Variants in YAP1 observed in about 807,000 individuals in gnomAD.
YAP1 encodes transcriptional coactivator YAP1.
A neutral mutation model predicts 56.9 loss-of-function variants in YAP1; 5 were observed. The ratio of observed to expected loss-of-function variants is 0.09; its 90% CI spans 0.05 to 0.18. YAP1 has a LOEUF of 0.18. Among genes scored for constraint, YAP1 ranks in the 10% least tolerant of loss-of-function variants. The pLI, the probability that YAP1 is intolerant of heterozygous loss-of-function variation, is 1.00. For missense variants in YAP1, 539 were observed against 651.8 expected, an observed-to-expected ratio of 0.83 and a Z score of 1.88; for synonymous variants, 265 against 248.1, an observed-to-expected ratio of 1.07 and a Z score of -0.64.
intron 2 of YAP1, among the ~76,000 whole-genome samples, chr11:102,138,739 G>A (rs1485755925): frequency 6.6e-6 from 1 of 152,156 alleles, no homozygotes; most frequent in Non-Finnish European, 1.5e-5. Flanking sequence ...TTCATTGAAT[G>A]TTTCAGTTAA....
intron 3 of YAP1, among the ~76,000 whole-genome samples, chr11:102,181,247 A>C (rs374554913): frequency 1.9e-4 from 29 of 151,780 alleles, no homozygotes; most frequent in African/African-American, 6.3e-4. Context: ...AGATCGCGAC[A>C]ATCCTGGCTA....
chr11:102,147,479 ACT>A (rs1945391708), intron 2 of YAP1, among the ~76,000 whole-genome samples: 1 of 152,120 alleles, frequency 6.6e-6, no homozygotes, highest in Non-Finnish European at 1.5e-5. Context: ...ATAAATCCAG[ACT>A]CTGGTGGAAA....
chr11:102,190,059 G>A (rs1331968625), intron 4 of YAP1, among the ~76,000 whole-genome samples: 3 of 152,132 alleles, frequency 2.0e-5, no homozygotes, highest in African/African-American at 4.8e-5. Context: ...AACCAAATTG[G>A]TAACTTTATT....
intron 2 of YAP1, among the ~76,000 whole-genome samples, chr11:102,128,396 T>C (rs1023029550): frequency 6.6e-6 from 1 of 152,176 alleles, no homozygotes; most frequent in Non-Finnish European, 1.5e-5. Flanking sequence ...TTTCCGCTTT[T>C]GCTTCTTCCT....
chr11:102,125,028 G>A (rs867729896), intron 2 of YAP1, among the ~76,000 whole-genome samples: 10 of 151,828 alleles, frequency 6.6e-5, no homozygotes, highest in Middle Eastern at 3.4e-3. Flanking sequence ...ATGAGCCACC[G>A]TGCCTAGCCA....
chr11:102,120,893 A>G (rs1399521378), intron 2 of YAP1, among the ~76,000 whole-genome samples: 1 of 152,240 alleles, frequency 6.6e-6, no homozygotes, highest in Non-Finnish European at 1.5e-5. Flanking sequence ...GAACTGACTA[A>G]TAAGGAGCAG....
chr11:102,160,871 C>T (rs1377186638), intron 2 of YAP1, among the ~76,000 whole-genome samples: 1 of 152,138 alleles, frequency 6.6e-6, no homozygotes, highest in Non-Finnish European at 1.5e-5. Flanking sequence ...TCTTCAGCTA[C>T]TCTGTGTTCA....
intron 3 of YAP1, among the ~76,000 whole-genome samples, chr11:102,180,762 A>C (rs188927227): frequency 1.4e-3 from 206 of 152,224 alleles, no homozygotes; most frequent in Middle Eastern, 0.01. Context: ...GATATAAAGA[A>C]ATTTTTTTAC....
intron 7 of YAP1, 143 bp downstream of exon 7, chr11:102,223,895 G>C: frequency 9.1e-7 from 1 of 1,096,494 alleles, no homozygotes; most frequent in South Asian, 1.6e-5. Flanking sequence ...TAAATGGCAA[G>C]TACATGCAGA....
intron 3 of YAP1, among the ~76,000 whole-genome samples, chr11:102,183,740 T>G (rs545438169): frequency 8.6e-5 from 7 of 81,702 alleles, no homozygotes; most frequent in Admixed American, 2.3e-4. Flanking sequence ...GTGTGTGTGT[T>G]TAAACCACAT....
At chr11:102,163,173 C>A (rs988560819) in intron 3 of YAP1, among the ~76,000 whole-genome samples, 5 of 152,020 alleles carry the variant, frequency 3.3e-5, no homozygotes, top group African/African-American at 1.2e-4. Context: ...GAGTATAAAT[C>A]TTTTTCTACC....
intron 2 of YAP1, among the ~76,000 whole-genome samples, chr11:102,137,114 C>G (rs966213013): frequency 2.6e-5 from 4 of 152,110 alleles, no homozygotes; most frequent in African/African-American, 9.7e-5. Context: ...GTCTCCTTTG[C>G]CCTTTAATGT....
chr11:102,127,471 G>A (rs1166686717), intron 2 of YAP1, among the ~76,000 whole-genome samples: 1 of 151,590 alleles, frequency 6.6e-6, no homozygotes, highest in Non-Finnish European at 1.5e-5. Flanking sequence ...TTGGTGTTGA[G>A]AGTGCAGTTG....
chr11:102,167,405 G>A (rs978272208), intron 3 of YAP1, among the ~76,000 whole-genome samples: 2 of 152,156 alleles, frequency 1.3e-5, no homozygotes, highest in African/African-American at 4.8e-5. Flanking sequence ...AATAAGTCTA[G>A]TCTATTAAAT....
intron 6 of YAP1, among the ~76,000 whole-genome samples, chr11:102,220,404 T>C (rs957557359): frequency 3.9e-5 from 6 of 152,320 alleles, no homozygotes; most frequent in Admixed American, 6.5e-5. Context: ...TGGATAGTTA[T>C]GTGATTTCTT....
chr11:102,185,019 G>A (rs1219987516), intron 3 of YAP1, among the ~76,000 whole-genome samples: 1 of 152,104 alleles, frequency 6.6e-6, no homozygotes, highest in African/African-American at 2.4e-5. Flanking sequence ...TAATATATAA[G>A]AACAATGACT....
chr11:102,197,354 A>G (rs760071417), intron 4 of YAP1, among the ~76,000 whole-genome samples: 1 of 152,214 alleles, frequency 6.6e-6, no homozygotes, highest in Non-Finnish European at 1.5e-5. Flanking sequence ...CAGTAAGATT[A>G]CTAGAATTAA....
chr11:102,116,418 A>T (rs1159933722), intron 2 of YAP1, among the ~76,000 whole-genome samples: 1 of 152,190 alleles, frequency 6.6e-6, no homozygotes, highest in African/African-American at 2.4e-5. Context: ...TTGACCACAG[A>T]TGCTAAGGAA....
chr11:102,128,653 T>C (rs903727605), intron 2 of YAP1, among the ~76,000 whole-genome samples: 1 of 152,232 alleles, frequency 6.6e-6, no homozygotes, highest in Non-Finnish European at 1.5e-5. Context: ...CCTTTTTGCA[T>C]GTTAGATTTT....
Sources: allele counts gnomAD v4.1 joint callset (sites outside exome capture counted in the v4.1 genomes callset), GRCh38; gene constraint gnomAD v4.1.1; transcripts MANE v1.5; gene names NCBI Gene and HGNC (gene_info 2026-07-23, HGNC 2026-07-21).